Variants in PDE4D observed in about 807,000 individuals in gnomAD.
PDE4D encodes the protein 3',5'-cyclic-AMP phosphodiesterase 4D.
In PDE4D, 24 loss-of-function variants were observed where a neutral mutation model predicts 87.4. The ratio of observed to expected loss-of-function variants is 0.27; its 90% CI spans 0.20 to 0.39. The LOEUF is 0.39. Ranked by LOEUF, PDE4D falls within the 10% of genes least tolerant of loss-of-function variation. The probability of loss-of-function intolerance (pLI) is 1.00; values close to 1 mark genes in which losing one functional copy is unlikely to be tolerated. For synonymous variants in PDE4D, 384 were observed against 383.2 expected (o/e 1.00, Z -0.02); for missense variants, 714 against 1,041.0 (o/e 0.69, Z 4.32).
chr5:60,099,511 T>C (rs1373832436), intron 2 of PDE4D, among the ~76,000 whole-genome samples: 1 of 151,934 alleles, frequency 6.6e-6, no homozygotes, highest in East Asian at 1.9e-4. Flanking sequence ...ACTCAGATCA[T>C]AAACAAAGTA....
At chr5:59,562,028 C>A (rs1165461954) in intron 1 of PDE4D, among the ~76,000 whole-genome samples, 1 of 152,126 alleles carries the variant, frequency 6.6e-6, no homozygotes, top group Non-Finnish European at 1.5e-5. Flanking sequence ...CTTGTGACTG[C>A]TGGCTACTTA....
At chr5:60,511,152 T>C (rs779660046) in intron 1 of PDE4D, among the ~76,000 whole-genome samples, 11 of 152,086 alleles carry the variant, frequency 7.2e-5, no homozygotes, top group South Asian at 6.2e-4. Context: ...GTATTTTCAG[T>C]AGAGACGATG....
chr5:59,276,479 A>C (rs1221659514), intron 1 of PDE4D, among the ~76,000 whole-genome samples: 1 of 152,200 alleles, frequency 6.6e-6, no homozygotes, highest in Non-Finnish European at 1.5e-5. Flanking sequence ...AGAGAACTTG[A>C]TGACTTAGCA....
At chr5:60,108,898 AT>A (rs1180514105) in intron 2 of PDE4D, among the ~76,000 whole-genome samples, 51 of 152,314 alleles carry the variant, frequency 3.3e-4, no homozygotes, top group African/African-American at 1.2e-3. Flanking sequence ...ACCTAAAACC[AT>A]AAAAACCCTA....
At chr5:59,132,206 C>A (rs2059191) in intron 5 of PDE4D, among the ~76,000 whole-genome samples, 24,393 of 152,092 alleles carry the variant, frequency 0.16, 2,061 homozygotes, top group African/African-American at 0.19. Context: ...TTGGAATAAG[C>A]AAAGGTATAA....
At chr5:60,078,918 G>A (rs182897034) in intron 2 of PDE4D, among the ~76,000 whole-genome samples, 3 of 152,054 alleles carry the variant, frequency 2.0e-5, no homozygotes. Flanking sequence ...GGGATTGCTG[G>A]GTCAAATAGT....
chr5:59,802,276 G>T (rs1348394079), intron 1 of PDE4D, among the ~76,000 whole-genome samples: 1 of 151,300 alleles, frequency 6.6e-6, no homozygotes, highest in African/African-American at 2.4e-5. Context: ...ATGCCAACAC[G>T]CAGCCATATC....
At chr5:60,459,606 G>T (rs565502454) in intron 1 of PDE4D, among the ~76,000 whole-genome samples, 1 of 152,138 alleles carries the variant, frequency 6.6e-6, no homozygotes, top group Admixed American at 6.6e-5. Flanking sequence ...CACAGAGCTC[G>T]GTGGTGTTGA....
At chr5:59,154,203 A>C (rs1231041466) in intron 5 of PDE4D, among the ~76,000 whole-genome samples, 1 of 152,230 alleles carries the variant, frequency 6.6e-6, no homozygotes. Flanking sequence ...ATTTGCTGGC[A>C]TCATGGAAGG....
chr5:59,479,475 T>G (rs1366340485), intron 1 of PDE4D, among the ~76,000 whole-genome samples: 1 of 152,160 alleles, frequency 6.6e-6, no homozygotes, highest in Non-Finnish European at 1.5e-5. Flanking sequence ...TTTTTAATCC[T>G]TCCAACCTGG....
At chr5:60,303,105 A>G (rs1348388945) in intron 1 of PDE4D, among the ~76,000 whole-genome samples, 1 of 152,176 alleles carries the variant, frequency 6.6e-6, no homozygotes. Context: ...CTGGGATTAC[A>G]GGCGTGAGCC....
intron 1 of PDE4D, among the ~76,000 whole-genome samples, chr5:60,357,503 T>C (rs1469492768): frequency 2.0e-5 from 3 of 152,218 alleles, no homozygotes. Context: ...TTTCAACTCA[T>C]TAAAAAATTA....
chr5:59,100,269 G>C (rs1770513465), intron 5 of PDE4D, among the ~76,000 whole-genome samples: 1 of 152,170 alleles, frequency 6.6e-6, no homozygotes, highest in Non-Finnish European at 1.5e-5. Context: ...TTCTCACATA[G>C]TCTTATTCCT....
At chr5:59,613,805 G>A (rs1829304289) in intron 1 of PDE4D, among the ~76,000 whole-genome samples, 1 of 152,094 alleles carries the variant, frequency 6.6e-6, no homozygotes, top group Non-Finnish European at 1.5e-5. Context: ...CAATTTATAA[G>A]AGAGAAACAA....
intron 1 of PDE4D, among the ~76,000 whole-genome samples, chr5:59,321,771 T>C (rs970443899): frequency 1.3e-5 from 2 of 152,102 alleles, no homozygotes; most frequent in East Asian, 1.9e-4. Flanking sequence ...ATGGGAATTA[T>C]AGAGAAACAG....
At chr5:59,468,850 T>TC (rs1801979915) in intron 1 of PDE4D, among the ~76,000 whole-genome samples, 1 of 152,152 alleles carries the variant, frequency 6.6e-6, no homozygotes, top group African/African-American at 2.4e-5. Flanking sequence ...AGGCCTAACT[T>TC]AGAGCTTAGA....
intron 1 of PDE4D, among the ~76,000 whole-genome samples, chr5:60,453,422 A>C (rs1420011562): frequency 1.3e-5 from 2 of 152,150 alleles, no homozygotes; most frequent in Non-Finnish European, 2.9e-5. Context: ...CATTGCCAAC[A>C]ATGCTTCAAC....
At chr5:60,152,526 G>A (rs564664985) in intron 2 of PDE4D, among the ~76,000 whole-genome samples, 14 of 152,008 alleles carry the variant, frequency 9.2e-5, no homozygotes, top group Admixed American at 2.0e-4. Flanking sequence ...GGTGGCAGGC[G>A]CCTGTAGTCC....
chr5:60,306,083 A>G (rs565804266), intron 1 of PDE4D, among the ~76,000 whole-genome samples: 1 of 152,144 alleles, frequency 6.6e-6, no homozygotes, highest in Non-Finnish European at 1.5e-5. Flanking sequence ...GATGAAAGCT[A>G]TAAAACATAG....
Sources: allele counts gnomAD v4.1 joint callset (sites outside exome capture counted in the v4.1 genomes callset), GRCh38; gene constraint gnomAD v4.1.1; transcripts MANE v1.5; gene names NCBI Gene and HGNC (gene_info 2026-07-23, HGNC 2026-07-21).